The following PITPNC1 variants were observed in gnomAD, a reference collection of about 807,000 sequenced individuals.
PITPNC1 encodes the protein cytoplasmic phosphatidylinositol transfer protein 1.
Under a neutral mutation model 44.7 loss-of-function variants are expected in PITPNC1, and 18 were observed. That is an observed-to-expected ratio of 0.40 (90% CI 0.28 to 0.60). The LOEUF (loss-of-function observed/expected upper bound fraction) is 0.60. Among genes scored for constraint, PITPNC1 ranks in the 20% least tolerant of loss-of-function variants. PITPNC1 has a pLI of 0.39. For synonymous variants in PITPNC1, 141 were observed against 149.6 expected (o/e 0.94, Z 0.42); for missense variants, 290 against 418.4 (o/e 0.69, Z 2.68).
chr17:67,553,919 G>T (rs987809363), intron 4 of PITPNC1, among the ~76,000 whole-genome samples: 2 of 152,124 alleles, frequency 1.3e-5, no homozygotes, highest in Non-Finnish European at 2.9e-5. Context: ...TATAATAAAA[G>T]AACAGTTTCT....
At chr17:67,680,468 C>T (rs541884749) in intron 8 of PITPNC1, among the ~76,000 whole-genome samples, 20 of 152,098 alleles carry the variant, frequency 1.3e-4, no homozygotes, top group South Asian at 6.2e-4. Flanking sequence ...GGCGTGGTTG[C>T]GGGCACCTGT....
chr17:67,524,393 T>C (rs2040368679), intron 1 of PITPNC1: 1 of 151,708 alleles, frequency 6.6e-6, no homozygotes, highest in East Asian at 1.9e-4. Flanking sequence ...TGCAATGAGC[T>C]ACGGTCATAC....
chr17:67,516,764 G>A (rs1444352107), intron 1 of PITPNC1, among the ~76,000 whole-genome samples: 1 of 152,070 alleles, frequency 6.6e-6, no homozygotes, highest in East Asian at 1.9e-4. Flanking sequence ...GATTACAGGC[G>A]CCCGCCACCA....
At chr17:67,507,683 CAAAAAAAAAAA>C (rs59838492) in intron 1 of PITPNC1, among the ~76,000 whole-genome samples, 1 of 79,498 alleles carries the variant, frequency 1.3e-5, no homozygotes, top group African/African-American at 5.3e-5. Context: ...GACTTGGTCT[CAAAAAAAAAAA>C]AAAAAAAAAA....
intron 7 of PITPNC1, among the ~76,000 whole-genome samples, chr17:67,672,193 C>T (rs1404841543): frequency 1.3e-5 from 2 of 152,046 alleles, no homozygotes; most frequent in South Asian, 2.1e-4. Context: ...CTCGGCCTCC[C>T]AAAGTACTGG....
chr17:67,423,915 T>C (rs2038704838), intron 1 of PITPNC1, among the ~76,000 whole-genome samples: 1 of 151,886 alleles, frequency 6.6e-6, no homozygotes, highest in Non-Finnish European at 1.5e-5. Flanking sequence ...CAGAAGAGGT[T>C]TCAAGTAGAT....
intron 6 of PITPNC1, among the ~76,000 whole-genome samples, chr17:67,656,081 A>G (rs1025887087): frequency 6.6e-6 from 1 of 152,152 alleles, no homozygotes; most frequent in Non-Finnish European, 1.5e-5. Flanking sequence ...CATGGAGATA[A>G]TATGTGTACT....
chr17:67,576,369 A>G lies in PITPNC1; in HGVS notation c.295-1817A>G, dbSNP rs564718849. On this transcript the variant is annotated intron_variant, in intron 4 of 8. Coordinates refer to ENST00000581322, the MANE Select transcript of PITPNC1 (RefSeq NM_012417.4). Reference sequence around the variant, plus strand: ...TAAAGCAGGGGGGGATGGTAATAGTACCTCCTTCACGGGATTGTTGCCAGG... The same window carrying G: ...TAAAGCAGGGGGGGATGGTAATAGTGCCTCCTTCACGGGATTGTTGCCAGG... Among the ~76,000 whole-genome samples, 29 of 152,072 alleles carry G rather than the reference A, an allele frequency of 1.9e-4. No individual in the cohort carries two copies. In the East Asian group the frequency reaches 5.6e-3, roughly 29 times the overall value.
rs186221387 is a variant in PITPNC1 at position 67,649,805 on chromosome 17, A to G, written c.462+17567A>G. Among the ~76,000 whole-genome samples, 124 of 152,242 alleles carry G rather than the reference A, an allele frequency of 8.1e-4. No homozygotes were observed. The East Asian group carries it at 0.021, about 25-fold the overall frequency. On this transcript the variant is annotated intron_variant, in intron 6 of 8. Coordinates refer to ENST00000581322, the MANE Select transcript of PITPNC1 (RefSeq NM_012417.4). Reference sequence around the variant, plus strand: ...GCTCAATAATTTGCTAGAAAGGCTCACAGAACTCAGGAAAACATTTACTTA... The same window carrying G: ...GCTCAATAATTTGCTAGAAAGGCTCGCAGAACTCAGGAAAACATTTACTTA...
At chr17:67,671,074 G>A (rs1238851049) in intron 7 of PITPNC1, among the ~76,000 whole-genome samples, 1 of 152,158 alleles carries the variant, frequency 6.6e-6, no homozygotes, top group African/African-American at 2.4e-5. Flanking sequence ...TTTTAGTAGA[G>A]ATGGAGTTTC....
chr17:67,645,319 C>G (rs1340069402), intron 6 of PITPNC1, among the ~76,000 whole-genome samples: 1 of 131,124 alleles, frequency 7.6e-6, no homozygotes, highest in Non-Finnish European at 1.6e-5. Flanking sequence ...CCAGCCTGGG[C>G]AACAAGAGCG....
At chr17:67,522,495 T>C (rs1248628165) in intron 1 of PITPNC1, among the ~76,000 whole-genome samples, 1 of 152,068 alleles carries the variant, frequency 6.6e-6, no homozygotes, top group East Asian at 1.9e-4. Flanking sequence ...ATAGAAATAA[T>C]TTTAAAAATT....
intron 1 of PITPNC1, among the ~76,000 whole-genome samples, chr17:67,405,502 T>C (rs2038382181): frequency 6.6e-6 from 1 of 152,178 alleles, no homozygotes; most frequent in South Asian, 2.1e-4. Flanking sequence ...ATTTTTATTT[T>C]TTATTGGATA....
intron 4 of PITPNC1, among the ~76,000 whole-genome samples, chr17:67,567,708 C>T (rs2040999179): frequency 6.6e-6 from 1 of 152,090 alleles, no homozygotes; most frequent in Non-Finnish European, 1.5e-5. Flanking sequence ...GGCGCAGTGG[C>T]TCACACCTGT....
chr17:67,389,884 G>T (rs1260827002), intron 1 of PITPNC1, among the ~76,000 whole-genome samples: 2 of 151,958 alleles, frequency 1.3e-5, no homozygotes, highest in African/African-American at 4.8e-5. Flanking sequence ...TTTCACTGTG[G>T]TAGCCAGGAT....
intron 1 of PITPNC1, among the ~76,000 whole-genome samples, chr17:67,420,278 A>C (rs2038651654): frequency 6.6e-6 from 1 of 152,096 alleles, no homozygotes; most frequent in African/African-American, 2.4e-5. Context: ...TGGAATAAAG[A>C]ATCTCAATGT....
Position 67,692,985 on chromosome 17 carries a change from C to A in PITPNC1, c.*97C>A. On this transcript the variant is annotated 3_prime_UTR_variant, in exon 9 of 9. Coordinates refer to ENST00000581322, the MANE Select transcript of PITPNC1 (RefSeq NM_012417.4). ...TAGAGAAAAAGACTGCTTTGTCACT[C>A]AAACATGTTCCTTCGACCTTTCAGT... 1 of 785,062 alleles carries A rather than the reference C, an allele frequency of 1.3e-6. No homozygotes were observed. Among genetic ancestry groups the A allele is most frequent in the Non-Finnish European group, 2.1e-6 (1 of 478,924 alleles). 48.6% of individuals were successfully genotyped at this position (785,062 alleles called of 1,614,324 possible).
At chr17:67,626,977 T>G (rs538771469) in intron 5 of PITPNC1, among the ~76,000 whole-genome samples, 1 of 152,256 alleles carries the variant, frequency 6.6e-6, no homozygotes, top group Admixed American at 6.5e-5. Context: ...GATTCATTAT[T>G]TATTAGAAAT....
intron 5 of PITPNC1, among the ~76,000 whole-genome samples, chr17:67,628,155 G>C (rs2041918348): frequency 6.6e-6 from 1 of 151,902 alleles, no homozygotes; most frequent in African/African-American, 2.4e-5. Flanking sequence ...CACCCGCCTT[G>C]GCCTCCCTAA....
Sources: gnomAD v4.1 joint callset for allele counts (sites outside exome capture counted in the v4.1 genomes callset) on GRCh38, gnomAD v4.1.1 for gene constraint, MANE v1.5 for transcripts, NCBI Gene and HGNC (gene_info 2026-07-23, HGNC 2026-07-21) for gene names.